The following DST variants were observed in gnomAD, a reference collection of about 807,000 sequenced individuals.
DST encodes the protein bullous pemphigoid antigen.
Under a neutral mutation model 875.2 loss-of-function variants are expected in DST, and 253 were observed. That is an observed-to-expected ratio of 0.29 (90% CI 0.26 to 0.32). The LOEUF (loss-of-function observed/expected upper bound fraction) is 0.32. Ranked by LOEUF, DST falls within the 10% of genes least tolerant of loss-of-function variation. The probability of loss-of-function intolerance (pLI) is 1.00; values close to 1 mark genes in which losing one functional copy is unlikely to be tolerated. For missense variants in DST, 8,287 were observed against 9,111.6 expected (o/e 0.91, Z 3.68); for synonymous variants, 3,124 against 3,197.1 (o/e 0.98, Z 0.77).
At chr6:56,637,952 G>A (rs550934138) in intron 22 of DST, among the ~76,000 whole-genome samples, 2 of 151,962 alleles carry the variant, frequency 1.3e-5, no homozygotes, top group African/African-American at 4.8e-5. Flanking sequence ...TCAGTAAATT[G>A]GCTATAAAAG....
rs2098487097 is a variant in DST, at chr6:56,605,554, G to A, written c.9074C>T (p.Pro3025Leu). 2 of 1,612,874 alleles carry A rather than the reference G, an allele frequency of 1.2e-6. No homozygotes were observed. Among genetic ancestry groups the A allele is most frequent in the Non-Finnish European group, 1.7e-6 (2 of 1,179,368 alleles). Residue 3025 changes from proline (P) to leucine (L), a missense_variant, in exon 40 of 104, where the codon CCT becomes CTT. Pro to Leu is a moderately conservative substitution (Grantham distance 98, BLOSUM62 -3). Coordinates refer to ENST00000680361, the MANE Select transcript of DST (RefSeq NM_001374736.1). ...AATGAGATCGCTTCCATTTCCTTGA[G>A]GATCTTTGTCAGTTACAGAGGCTAT... ...SLIASVTDKD[P>L]QGNGSDLIKG...
chr6:56,463,664 C>T lies in DST; in HGVS notation c.22860G>A (p.Arg7620=). The part of the protein sequence containing the change: ...AAFRPRGRRS[R]PSSRGASPNR... Reference sequence around the variant, plus strand: ...TGGGTGAAGCGCCTCGTGATGATGGCCGGGATCTTCGGCCTCGGGGTCGGA... The same window carrying T: ...TGGGTGAAGCGCCTCGTGATGATGGTCGGGATCTTCGGCCTCGGGGTCGGA... The change falls in exon 101 of 104, where the codon CGG becomes CGA. Residue 7620 remains arginine (R), a synonymous_variant. Coordinates refer to ENST00000680361, the MANE Select transcript of DST (RefSeq NM_001374736.1). 1.2e-6 allele frequency: 2 copies of T among 1,613,956 alleles called. No individual in the cohort carries two copies. Among genetic ancestry groups the T allele is most frequent in the Non-Finnish European group, 1.7e-6 (2 of 1,179,886 alleles).
At chr6:56,516,053 T>C (rs1174950970) in intron 71 of DST, among the ~76,000 whole-genome samples, 2 of 151,912 alleles carry the variant, frequency 1.3e-5, no homozygotes, top group African/African-American at 2.4e-5. Flanking sequence ...AATTTAATTA[T>C]ATATATACAC....
intron 4 of DST, among the ~76,000 whole-genome samples, chr6:56,841,438 G>A (rs1304457386): frequency 6.6e-6 from 1 of 152,126 alleles, no homozygotes; most frequent in East Asian, 1.9e-4. Flanking sequence ...ATCTGTTTAA[G>A]GGCAATACTG....
chr6:56,764,459 C>A (rs779701266), intron 4 of DST, among the ~76,000 whole-genome samples: 3 of 152,126 alleles, frequency 2.0e-5, no homozygotes, highest in Non-Finnish European at 4.4e-5. Flanking sequence ...AGCCTGGGAT[C>A]CCCTGGCTGC....
intron 2 of DST, chr6:56,945,854 AG>A (rs2127800432): frequency 6.6e-6 from 1 of 152,118 alleles, no homozygotes; most frequent in Admixed American, 6.5e-5. Flanking sequence ...AAAAAAAAAA[AG>A]AATGAAGATT....
chr6:56,594,185 G>C lies in DST; in HGVS notation c.12204C>G (p.His4068Gln). 6.6e-7 allele frequency: 1 copy of C among 1,521,124 alleles called. No individual in the cohort carries two copies. 94.2% of individuals were successfully genotyped at this position (1,521,124 alleles called of 1,614,324 possible). A position where few individuals can be genotyped will look rare whatever the true frequency, so the allele number is the denominator to read the frequency against. The change falls in exon 48 of 104, where the codon CAC becomes CAG. Residue 4068 changes from histidine (H) to glutamine (Q), a missense_variant. By Grantham distance (24) the His-to-Gln change is conservative. Around this residue, in one of 10 missense-constraint regions of DST, gnomAD observed 1,513 missense variants for 1,677.8 expected, o/e 0.90. Transcript: ENST00000680361. The stretch of plus-strand genomic sequence containing the variant: ...CTTGGTGCTGAGAGATGATCTTCTC[G>C]TGTTGGGCCTATGTGAAAACAAATT... ...NQQYQKVKAQ[H>Q]EKIISQHQAV...
intron 4 of DST, among the ~76,000 whole-genome samples, chr6:56,807,696 A>G (rs1301405646): frequency 1.3e-5 from 2 of 152,238 alleles, no homozygotes; most frequent in African/African-American, 4.8e-5. Context: ...CGTAACTAGC[A>G]TATTACCTAG....
At chr6:56,899,044 A>T (rs1429497656) in intron 3 of DST, among the ~76,000 whole-genome samples, 1 of 152,122 alleles carries the variant, frequency 6.6e-6, no homozygotes, top group Non-Finnish European at 1.5e-5. Context: ...ACCCCAAACA[A>T]CTAGATAACC....
At chr6:56,938,768 G>A (rs1261784168) in intron 2 of DST, among the ~76,000 whole-genome samples, 1 of 152,112 alleles carries the variant, frequency 6.6e-6, no homozygotes, top group Non-Finnish European at 1.5e-5. Context: ...GCTGCTTTTG[G>A]AACCCAAACC....
chr6:56,680,603 C>T (rs372160948), intron 9 of DST, among the ~76,000 whole-genome samples: 9 of 152,198 alleles, frequency 5.9e-5, no homozygotes, highest in African/African-American at 1.7e-4. Context: ...GCTTCCACAA[C>T]GTCACCCCTT....
In DST at chr6:56,954,688, G is replaced by GC; in HGVS notation, c.-102_-101insG. 1 of 751,488 alleles carries GC rather than the reference G, an allele frequency of 1.3e-6. No homozygotes were observed. Among genetic ancestry groups the GC allele is most frequent in the Non-Finnish European group, 1.7e-6 (1 of 603,068 alleles). The allele number at this position is 751,488 out of a possible 1,614,324, so 46.6% of individuals were successfully genotyped here. A position where few individuals can be genotyped will look rare whatever the true frequency, so the allele number is the denominator to read the frequency against. ...CGGGACGGCGGGCACGGGTGAGCGC[G>GC]GCTCAGCGCGTCATGCCTGGCGCTC... On this transcript the variant is annotated 5_prime_UTR_variant, in exon 1 of 104. Coordinates refer to ENST00000680361, the MANE Select transcript of DST (RefSeq NM_001374736.1).
At position 56,535,234 on chromosome 6, in the gene DST, T is replaced by C; in HGVS notation, c.16829A>G (p.Asp5610Gly). Residue 5610 changes from aspartate (D) to glycine (G), a missense_variant, in exon 63 of 104, where the codon GAT (aspartate) becomes GGT (glycine). This residue lies in a region of DST where 777 missense variants were observed against 764.8 expected (regional missense o/e 1.02). Coordinates refer to ENST00000680361, the MANE Select transcript of DST (RefSeq NM_001374736.1). ...EALLHCGRFQ[D>G]ALESLLSWMV... ...CCAGCTGAGCAGGGACTCCAGGGCA[T>C]CCTGGAACCTCCCACAGTGCAGCAA... 1.9e-6 allele frequency: 3 copies of C among 1,612,910 alleles called. No individual in the cohort carries two copies. Among genetic ancestry groups the C allele is most frequent in the Non-Finnish European group, 2.5e-6 (3 of 1,179,490 alleles).
chr6:56,876,631 A>T (rs996307299), intron 3 of DST, among the ~76,000 whole-genome samples: 2 of 152,220 alleles, frequency 1.3e-5, no homozygotes, highest in African/African-American at 4.8e-5. Context: ...CAGTTGAAAC[A>T]TTCACCTTAA....
At chr6:56,474,082 A>C in intron 92 of DST, 80 bp from the exon 93 acceptor site, 3 of 1,189,148 alleles carry the variant, frequency 2.5e-6, no homozygotes, top group Non-Finnish European at 3.6e-6. Context: ...AAGCAGAAGG[A>C]TAAAAGAACC....
intron 36 of DST, chr6:56,619,476 G>A (rs1563236581): frequency 6.2e-7 from 1 of 1,612,058 alleles, no homozygotes; most frequent in East Asian, 2.2e-5. Context: ...CAGATTTGTA[G>A]TCTTTCTAAT....
chr6:56,602,021 G>A (rs2098450454), intron 43 of DST: 4 of 435,430 alleles, frequency 9.2e-6, no homozygotes, highest in African/African-American at 2.0e-5. Flanking sequence ...CTTAAAATAT[G>A]ACTTGCTAAC....
At chr6:56,622,411 A>G (rs945450922) in intron 36 of DST, among the ~76,000 whole-genome samples, 2 of 151,966 alleles carry the variant, frequency 1.3e-5, no homozygotes, top group Non-Finnish European at 2.9e-5. Context: ...TCTACTAAAA[A>G]TAGAAAAATT....
rs1362632145 is a variant in DST, at chr6:56,742,233, G to A, written c.626-6944C>T. ...AGTGCAACTTTCCCTTCCCAGTTCT[G>A]AAAACATGAAAGTGATAGTATATGT... On this transcript the variant is annotated intron_variant, in intron 4 of 103. Transcript: ENST00000680361. The A allele has an allele frequency of 8.2e-6, 10 of 1,217,402 alleles. No individual in the cohort carries two copies. The East Asian group carries it at 5.6e-4, about 69-fold the overall frequency. The allele number at this position is 1,217,402 out of a possible 1,614,324, so 75.4% of individuals were successfully genotyped here. A position where few individuals can be genotyped will look rare whatever the true frequency, so the allele number is the denominator to read the frequency against.
Sources: gnomAD v4.1 joint callset for allele counts (sites outside exome capture counted in the v4.1 genomes callset) on GRCh38, gnomAD v4.1.1 for gene constraint, gnomAD v4.1.1 regional missense constraint, MANE v1.5 for transcripts, NCBI Gene and HGNC (gene_info 2026-07-23, HGNC 2026-07-21) for gene names.